ETV1: variants seen among roughly 807,000 people sequenced by gnomAD.
ETV1 encodes the protein ETS translocation variant 1.
In ETV1, 27 loss-of-function variants were observed where a neutral mutation model predicts 62.3. The observed-to-expected ratio is 0.43, with a 90% CI of 0.32 to 0.60. The LOEUF (loss-of-function observed/expected upper bound fraction) is 0.60. Among genes scored for constraint, ETV1 ranks in the 20% least tolerant of loss-of-function variants. The pLI, the probability that ETV1 is intolerant of heterozygous loss-of-function variation, is 0.06. For synonymous variants in ETV1, 222 were observed against 199.6 expected, an observed-to-expected ratio of 1.11 and a Z score of -0.94; for missense variants, 605 against 605.8, an observed-to-expected ratio of 1.00 and a Z score of 0.01.
rs187568304 is a variant in ETV1 at position 13,900,902 on chromosome 7, A to C, written c.1111-63T>G. 3,690 of 1,103,780 alleles carry C rather than the reference A, an allele frequency of 3.3e-3. 12 individuals carry two copies. Among genetic ancestry groups the C allele is most frequent in the Non-Finnish European group, 4.3e-3 (3,284 of 763,106 alleles). 68.4% of individuals were successfully genotyped at this position (1,103,780 alleles called of 1,614,324 possible). On this transcript the variant is annotated intron_variant, in intron 12 of 13. Coordinates refer to ENST00000430479, the MANE Select transcript of ETV1 (RefSeq NM_004956.5). ...TAACTTATCAGCATATTTCATAAAA[A>C]TTATTTAATTAATTACTTCCAAACC...
chr7:13,933,049 T>A lies in ETV1; in HGVS notation c.555-1300A>T, dbSNP rs149994499. 5.9e-5 allele frequency among the ~76,000 whole-genome samples: 9 copies of A among 152,286 alleles called. No homozygotes were observed. The East Asian group carries it at 1.7e-3, about 29-fold the overall frequency. The stretch of plus-strand genomic sequence containing the variant: ...TAGGCTGACTGGCACTGCATTCATT[T>A]CCCTTCTCTTGCTTATTTCATTAGC... On this transcript the variant is annotated intron_variant, in intron 8 of 13. Coordinates refer to ENST00000430479, the MANE Select transcript of ETV1 (RefSeq NM_004956.5).
chr7:13,936,816 G>C (rs1049115550), intron 7 of ETV1, among the ~76,000 whole-genome samples: 1 of 152,122 alleles, frequency 6.6e-6, no homozygotes, highest in African/African-American at 2.4e-5. Flanking sequence ...TGAGGTGGGA[G>C]GATCGCTTAA....
rs1782144324 is a variant in ETV1 at position 13,982,908 on chromosome 7, G to A, written c.181+3730C>T. 2.0e-5 allele frequency among the ~76,000 whole-genome samples: 3 copies of A among 151,874 alleles called. 1 individual carries two copies. Among genetic ancestry groups the A allele is most frequent in the Non-Finnish European group, 4.4e-5 (3 of 67,902 alleles). ...ACATTACACATAGTAAGTAACAATA[G>A]CACATATTACTTATGATTTTGAATA... On this transcript the variant is annotated intron_variant, in intron 5 of 13. Coordinates refer to ENST00000430479, the MANE Select transcript of ETV1 (RefSeq NM_004956.5).
chr7:13,939,015 A>G, intron 7 of ETV1, 102 bp downstream of exon 7: 7 of 1,149,410 alleles, frequency 6.1e-6, no homozygotes, highest in Admixed American at 2.4e-5. Context: ...GTTACATATT[A>G]AAGACGTTAC....
intron 11 of ETV1, chr7:13,907,947 A>G (rs1162437201): frequency 5.1e-6 from 2 of 389,766 alleles, no homozygotes; most frequent in African/African-American, 4.3e-5. Context: ...GTGTATCTTC[A>G]TATCGATTTC....
At chr7:13,972,034 CG>C (rs1780956100) in intron 6 of ETV1, among the ~76,000 whole-genome samples, 1 of 151,888 alleles carries the variant, frequency 6.6e-6, no homozygotes, top group African/African-American at 2.4e-5. Flanking sequence ...CACTTGAATC[CG>C]GGAGGCAGGA....
At chr7:13,909,791 G>C (rs1278170797) in intron 10 of ETV1, 91 bp from the exon 11 acceptor site, 9 of 1,120,782 alleles carry the variant, frequency 8.0e-6, no homozygotes, top group Non-Finnish European at 1.2e-5. Context: ...AATTGTGATA[G>C]AAAATGACTC....
chr7:13,933,351 G>A (rs1033541712), intron 8 of ETV1, among the ~76,000 whole-genome samples: 2 of 152,096 alleles, frequency 1.3e-5, no homozygotes, highest in Non-Finnish European at 1.5e-5. Context: ...ACTGACCAAT[G>A]GTAAAGAGAA....
chr7:13,906,259 T>C (rs990621900), intron 12 of ETV1, 171 bp downstream of exon 12: 11 of 478,504 alleles, frequency 2.3e-5, no homozygotes, highest in South Asian at 9.8e-5. Context: ...ACGCAATACA[T>C]TGGTGATTTT....
intron 5 of ETV1, among the ~76,000 whole-genome samples, chr7:13,983,633 T>C (rs1189988033): frequency 2.0e-5 from 3 of 151,726 alleles, no homozygotes; most frequent in African/African-American, 7.2e-5. Flanking sequence ...TTTTTTTTTT[T>C]TAACTACTGT....
chr7:13,956,535 T>G (rs1443854794), intron 6 of ETV1, among the ~76,000 whole-genome samples: 2 of 152,222 alleles, frequency 1.3e-5, no homozygotes, highest in Admixed American at 6.5e-5. Context: ...TATTTTTTAC[T>G]TTGACTTGCT....
chr7:13,939,085 C>G, intron 7 of ETV1, 32 bp downstream of exon 7: 1 of 1,591,366 alleles, frequency 6.3e-7, no homozygotes, highest in African/African-American at 1.4e-5. Context: ...ATAAGAACCA[C>G]TATCCTACAT....
intron 5 of ETV1, among the ~76,000 whole-genome samples, chr7:13,981,945 A>G (rs1481608361): frequency 6.6e-6 from 1 of 152,142 alleles, no homozygotes; most frequent in Non-Finnish European, 1.5e-5. Context: ...GCTTGGTTTT[A>G]TACCACATCC....
At position 13,938,713 on chromosome 7, in the gene ETV1, G is replaced by A. The variant is rs543094869; in HGVS notation, c.365+404C>T. On this transcript the variant is annotated intron_variant, in intron 7 of 13. Transcript: ENST00000430479. ...CAATTGTCCATGAACTCATCTTACA[G>A]ATCATCTGCAAAGCCTGGCAGATAA... Among the ~76,000 whole-genome samples the A allele has an allele frequency of 2.6e-5, 4 of 152,314 alleles. No homozygotes were observed. In the South Asian group the frequency reaches 6.2e-4, roughly 24 times the overall value.
intron 9 of ETV1, 50 bp downstream of exon 9, chr7:13,931,452 G>A (rs1162370168): frequency 1.9e-6 from 3 of 1,608,324 alleles, no homozygotes; most frequent in African/African-American, 2.7e-5. Flanking sequence ...AATGTGACAA[G>A]GGAGGTGAAA....
chr7:13,892,930 A>G lies in ETV1; in HGVS notation c.*2936T>C. On this transcript the variant is annotated 3_prime_UTR_variant, in exon 14 of 14. Coordinates refer to ENST00000430479, the MANE Select transcript of ETV1 (RefSeq NM_004956.5). The stretch of plus-strand genomic sequence containing the variant: ...CTTCTGCCTCCAGAACTATAAGATA[A>G]ATTTGTGTAAATTACTGAAGTTGTG... The G allele has an allele frequency of 4.3e-6, 1 of 232,192 alleles. No homozygotes were observed. Among genetic ancestry groups the G allele is most frequent in the Non-Finnish European group, 8.5e-6 (1 of 117,446 alleles). 14.4% of individuals were successfully genotyped at this position (232,192 alleles called of 1,614,324 possible). A position where few individuals can be genotyped will look rare whatever the true frequency, so the allele number is the denominator to read the frequency against.
intron 6 of ETV1, among the ~76,000 whole-genome samples, chr7:13,962,202 C>CACGTGT (rs1554308974): frequency 3.4e-5 from 5 of 148,876 alleles, no homozygotes; most frequent in African/African-American, 1.3e-4. Context: ...CACACACACA[C>CACGTGT]GTGTGTGTGT....
At chr7:13,955,492 G>A (rs1789312109) in intron 6 of ETV1, among the ~76,000 whole-genome samples, 2 of 152,078 alleles carry the variant, frequency 1.3e-5, no homozygotes, top group South Asian at 4.1e-4. Context: ...AACTCTAAGA[G>A]TCTCTGCTGA....
chr7:13,935,905 G>A lies in ETV1; in HGVS notation c.366-9C>T. 6.3e-7 allele frequency: 1 copy of A among 1,594,566 alleles called. No homozygotes were observed. Among genetic ancestry groups the A allele is most frequent in the Non-Finnish European group, 8.6e-7 (1 of 1,168,606 alleles). On this transcript the variant is annotated splice_polypyrimidine_tract_variant and intron_variant, in intron 7 of 13. Transcript: ENST00000430479. ...GCTTCTGATCATAGGCACTACCCAG[G>A]GGACAAAAGAAGAGAGAACATTTCT...
Sources: allele counts gnomAD v4.1 joint callset (sites outside exome capture counted in the v4.1 genomes callset), GRCh38; gene constraint gnomAD v4.1.1; transcripts MANE v1.5; gene names NCBI Gene and HGNC (gene_info 2026-07-23, HGNC 2026-07-21).